Variants in ITSN1 observed in about 807,000 individuals in gnomAD.
ITSN1 encodes intersectin-1.
A neutral mutation model predicts 239.8 loss-of-function variants in ITSN1; 58 were observed. The observed-to-expected ratio is 0.24, with a 90% CI of 0.20 to 0.30. ITSN1 has a LOEUF of 0.30. ITSN1 is among the 10% of genes least tolerant of loss of function. ITSN1 has a pLI of 1.00. For synonymous variants in ITSN1, 780 were observed against 770.8 expected (o/e 1.01, Z -0.20); for missense variants, 1,558 against 2,103.3 (o/e 0.74, Z 5.07).
intron 31 of ITSN1, among the ~76,000 whole-genome samples, chr21:33,859,075 G>A (rs191137167): frequency 4.0e-5 from 6 of 149,336 alleles, no homozygotes; most frequent in Admixed American, 3.3e-4. Flanking sequence ...CTAGGGCGAC[G>A]CTGGCTCCTG....
At chr21:33,808,165 A>G (rs1056700572) in intron 20 of ITSN1, among the ~76,000 whole-genome samples, 3 of 151,528 alleles carry the variant, frequency 2.0e-5, no homozygotes, top group East Asian at 2.0e-4. Context: ...CCGCAGTCCC[A>G]CCTGGGCGAC....
chr21:33,812,230 G>A (rs1462953986), intron 21 of ITSN1, among the ~76,000 whole-genome samples: 1 of 152,170 alleles, frequency 6.6e-6, no homozygotes, highest in African/African-American at 2.4e-5. Context: ...AAAGTTCTGA[G>A]TTTTTAAACT....
At chr21:33,831,117 C>T (rs1346617503) in intron 27 of ITSN1, among the ~76,000 whole-genome samples, 2 of 152,206 alleles carry the variant, frequency 1.3e-5, no homozygotes, top group East Asian at 1.9e-4. Context: ...ACTTTTCATA[C>T]AGAAAGTGTG....
chr21:33,756,062 C>A (rs1602041623), intron 8 of ITSN1, among the ~76,000 whole-genome samples: 1 of 152,134 alleles, frequency 6.6e-6, no homozygotes, highest in East Asian at 1.9e-4. Flanking sequence ...CCAATCCCAG[C>A]CCTTTGGGAG....
At chr21:33,771,121 C>G (rs987930565) in intron 11 of ITSN1, among the ~76,000 whole-genome samples, 2 of 152,096 alleles carry the variant, frequency 1.3e-5, no homozygotes, top group African/African-American at 4.8e-5. Context: ...CTGAAATCAC[C>G]AAAGGTGAGC....
At chr21:33,833,981 A>G (rs1305157922) in intron 27 of ITSN1, among the ~76,000 whole-genome samples, 2 of 152,170 alleles carry the variant, frequency 1.3e-5, no homozygotes, top group Admixed American at 6.5e-5. Context: ...CATAATGTCT[A>G]CATTACCTGA....
At chr21:33,766,390 C>G (rs1277201597) in intron 10 of ITSN1, among the ~76,000 whole-genome samples, 1 of 152,176 alleles carries the variant, frequency 6.6e-6, no homozygotes, top group African/African-American at 2.4e-5. Flanking sequence ...GTAACAAAAG[C>G]TGCTAGCAAT....
chr21:33,834,197 A>G (rs1569276937), intron 27 of ITSN1, 110 bp from the exon 28 acceptor site: 3 of 745,542 alleles, frequency 4.0e-6, no homozygotes, highest in East Asian at 5.0e-5. Flanking sequence ...CGTTAATGTC[A>G]TTTGTTTTTC....
chr21:33,837,104 A>G (rs1466509097), intron 29 of ITSN1: 1 of 1,548,518 alleles, frequency 6.5e-7, no homozygotes, highest in Non-Finnish European at 8.7e-7. Context: ...GACTTCCAGC[A>G]TGATCACCTA....
intron 29 of ITSN1, chr21:33,838,386 A>G (rs1403989869): frequency 1.2e-5 from 12 of 984,742 alleles, no homozygotes; most frequent in Non-Finnish European, 1.4e-5. Context: ...CAGTATTTTC[A>G]CGGATATGAA....
Position 33,666,216 on chromosome 21 carries a change from C to A in ITSN1, c.-33+23503C>A, listed in dbSNP as rs529126384. Among the ~76,000 whole-genome samples the A allele has an allele frequency of 9.2e-5, 14 of 152,290 alleles. No homozygotes were observed. In the South Asian group the frequency reaches 2.9e-3, roughly 32 times the overall value. On this transcript the variant is annotated intron_variant, in intron 1 of 39. Coordinates refer to ENST00000381318, the MANE Select transcript of ITSN1 (RefSeq NM_003024.3). ...AAAGTGCTGGGATTACAGGTTTGAG[C>A]CACTGCACCTGGCCTGTATGGTTCC...
rs941191952 is a variant in ITSN1, at chr21:33,895,308, T to C, written c.*7008T>C. On this transcript the variant is annotated 3_prime_UTR_variant, in exon 40 of 40. Transcript: ENST00000381318. ...GTTCTAGGAGTTACGGTGTGCTCTA[T>C]TGGGATTGGATTACAGTCTCTACTT... 6.6e-6 allele frequency: 1 copy of C among 152,288 alleles called. No individual in the cohort carries two copies. The highest frequency in any genetic ancestry group is 1.5e-5 in the Non-Finnish European group (1 of 68,094). 9.4% of individuals were successfully genotyped at this position (152,288 alleles called of 1,614,324 possible).
At chr21:33,876,141 CTTTCTTTCTT>C (rs770345000) in intron 34 of ITSN1, among the ~76,000 whole-genome samples, 538 of 20,622 alleles carry the variant, frequency 0.026, 12 homozygotes, top group African/African-American at 0.18. Context: ...TTCTTTCTTT[CTTTCTTTCTT>C]TCTCTCTCTC....
rs563033645 is a variant in ITSN1 at position 33,660,667 on chromosome 21, A to G, written c.-33+17954A>G. On this transcript the variant is annotated intron_variant, in intron 1 of 39. Transcript: ENST00000381318. ...TGGCCTTATACAGATATGTAGTTGG[A>G]AAGAACAGGAGTCTTTTAGTGGCAT... Among the ~76,000 whole-genome samples, 180 of 152,316 alleles carry G rather than the reference A, an allele frequency of 1.2e-3. 2 individuals are homozygous for G. Among genetic ancestry groups the G allele is most frequent in the African/African-American group, 4.0e-3 (165 of 41,558 alleles).
At chr21:33,793,971 A>G (rs1006128923) in intron 16 of ITSN1, among the ~76,000 whole-genome samples, 4 of 152,206 alleles carry the variant, frequency 2.6e-5, no homozygotes, top group African/African-American at 9.7e-5. Context: ...GTTGATTGAT[A>G]ATCAAAAGAA....
At chr21:33,762,821 G>A (rs781643623) in intron 9 of ITSN1, among the ~76,000 whole-genome samples, 3 of 151,450 alleles carry the variant, frequency 2.0e-5, no homozygotes, top group Non-Finnish European at 4.4e-5. Context: ...GAACCCCCAC[G>A]CTTGGCTAAT....
intron 34 of ITSN1, among the ~76,000 whole-genome samples, chr21:33,881,223 T>C (rs1041335024): frequency 5.9e-5 from 9 of 151,872 alleles, no homozygotes; most frequent in Non-Finnish European, 1.3e-4. Flanking sequence ...CTGGCTAACA[T>C]GGTGAAACCC....
In ITSN1 at chr21:33,899,664, A is replaced by G. The variant is rs1986987404; in HGVS notation, c.*11364A>G. On this transcript the variant is annotated 3_prime_UTR_variant, in exon 40 of 40. Coordinates refer to ENST00000381318, the MANE Select transcript of ITSN1 (RefSeq NM_003024.3). ...TATTATGTGTGAAATGTTAAATTTT[A>G]CCGATTAAGATGATGGTAACTGAGA... 1 of 152,200 alleles carries G rather than the reference A, an allele frequency of 6.6e-6. No individual in the cohort carries two copies. Among genetic ancestry groups the G allele is most frequent in the Non-Finnish European group, 1.5e-5 (1 of 68,034 alleles). 9.4% of individuals were successfully genotyped at this position (152,200 alleles called of 1,614,324 possible).
intron 24 of ITSN1, among the ~76,000 whole-genome samples, chr21:33,821,993 A>C (rs1273975721): frequency 6.6e-6 from 1 of 152,224 alleles, no homozygotes; most frequent in Admixed American, 6.5e-5. Flanking sequence ...TTGTGTGGGA[A>C]ATCATTTTTC....
Sources: allele counts gnomAD v4.1 joint callset (sites outside exome capture counted in the v4.1 genomes callset), GRCh38; gene constraint gnomAD v4.1.1; transcripts MANE v1.5; gene names NCBI Gene and HGNC (gene_info 2026-07-23, HGNC 2026-07-21).